Variants in SGCZ observed in about 807,000 individuals in gnomAD.
SGCZ encodes sarcoglycan zeta, also known as zeta-sarcoglycan.
SGCZ carries 40 observed loss-of-function variants against 41.3 expected under a neutral mutation model. The observed-to-expected ratio is 0.97, with a 90% CI of 0.75 to 1.26. The LOEUF is 1.26. Among genes scored for constraint, SGCZ ranks in the 50% most tolerant of loss-of-function variants. The pLI, the probability that SGCZ is intolerant of heterozygous loss-of-function variation, is 0.00. For synonymous variants in SGCZ, 206 were observed against 137.5 expected (o/e 1.50, Z -3.49); for missense variants, 552 against 369.8 (o/e 1.49, Z -4.04).
rs190314670 is a variant in SGCZ at position 14,511,329 on chromosome 8, A to G, written c.234+43403T>C. Among the ~76,000 whole-genome samples, 77 of 152,008 alleles carry G rather than the reference A, an allele frequency of 5.1e-4. No individual in the cohort carries two copies. In the East Asian group the frequency reaches 0.013, roughly 26 times the overall value. ...TCTACTCTATGGCTACGTTTTATGGATTGGGAGATTTTACTTTTAATTATA... is the reference window on the plus strand; with the variant it reads ...TCTACTCTATGGCTACGTTTTATGGGTTGGGAGATTTTACTTTTAATTATA... On this transcript the variant is annotated intron_variant, in intron 2 of 7. Coordinates refer to ENST00000382080, the MANE Select transcript of SGCZ (RefSeq NM_139167.4).
chr8:14,173,320 A>T (rs1042400427), intron 4 of SGCZ, among the ~76,000 whole-genome samples: 2 of 152,116 alleles, frequency 1.3e-5, no homozygotes, highest in Admixed American at 6.6e-5. Context: ...AAAGATATGA[A>T]GTTATTATAA....
intron 4 of SGCZ, among the ~76,000 whole-genome samples, chr8:14,210,481 A>C (rs550067961): frequency 2.1e-3 from 312 of 149,282 alleles, no homozygotes; most frequent in Non-Finnish European, 3.9e-3. Context: ...TTTTTTTTTT[A>C]AACAGAGTTT....
In SGCZ at chr8:14,262,290, G is replaced by A. The variant is rs569503223; in HGVS notation, c.337-24611C>T. Among the ~76,000 whole-genome samples the A allele has an allele frequency of 5.9e-5, 9 of 152,262 alleles. No individual in the cohort carries two copies. The South Asian group carries it at 1.4e-3, about 25-fold the overall frequency. On this transcript the variant is annotated intron_variant, in intron 3 of 7. Transcript: ENST00000382080. ...TGATACACGTTTTAATAGGTAAACT[G>A]TTCTTTGCTTCACAATCATTTCAGT...
chr8:14,868,710 A>T (rs1804027198), intron 1 of SGCZ, among the ~76,000 whole-genome samples: 1 of 152,186 alleles, frequency 6.6e-6, no homozygotes, highest in African/African-American at 2.4e-5. Flanking sequence ...AATCTGCTAT[A>T]TGAACATATC....
At chr8:14,459,527 T>C (rs1234147313) in intron 2 of SGCZ, among the ~76,000 whole-genome samples, 2 of 152,138 alleles carry the variant, frequency 1.3e-5, no homozygotes, top group South Asian at 2.1e-4. Context: ...GATCTATTGA[T>C]AGATGCTAAT....
chr8:14,560,344 AT>A (rs1295158112), intron 1 of SGCZ, among the ~76,000 whole-genome samples: 1 of 151,936 alleles, frequency 6.6e-6, no homozygotes, highest in African/African-American at 2.4e-5. Context: ...ACATATATAT[AT>A]ATGTATAAAT....
chr8:15,122,157 T>C (rs1045546035), intron 1 of SGCZ, among the ~76,000 whole-genome samples: 1 of 150,106 alleles, frequency 6.7e-6, no homozygotes, highest in Non-Finnish European at 1.5e-5. Context: ...ATCATGGACA[T>C]ACTCAACCCC....
chr8:14,130,856 A>C (rs1803019774), intron 5 of SGCZ, among the ~76,000 whole-genome samples: 1 of 152,184 alleles, frequency 6.6e-6, no homozygotes, highest in Non-Finnish European at 1.5e-5. Context: ...TGCAGTAAGC[A>C]AGCAAGCAAC....
chr8:14,745,568 C>G (rs987537823), intron 1 of SGCZ, among the ~76,000 whole-genome samples: 3 of 151,996 alleles, frequency 2.0e-5, no homozygotes, highest in African/African-American at 4.8e-5. Flanking sequence ...GAGTGAGACC[C>G]TGACTCTAAA....
intron 2 of SGCZ, among the ~76,000 whole-genome samples, chr8:14,546,045 T>C (rs1289954343): frequency 6.6e-6 from 1 of 152,148 alleles, no homozygotes; most frequent in Non-Finnish European, 1.5e-5. Flanking sequence ...GCATGAAAGA[T>C]TTCATCTGAG....
At chr8:14,506,365 C>A (rs996906352) in intron 2 of SGCZ, among the ~76,000 whole-genome samples, 13 of 152,092 alleles carry the variant, frequency 8.5e-5, no homozygotes, top group African/African-American at 3.1e-4. Context: ...TCCTCTTAGC[C>A]ACTCAAAGAC....
chr8:14,455,558 G>C (rs73519321), intron 2 of SGCZ, among the ~76,000 whole-genome samples: 10,928 of 151,788 alleles, frequency 0.072, 1,309 homozygotes, highest in African/African-American at 0.25. Context: ...TAGATAGATA[G>C]ATCGATCTCC....
chr8:15,182,128 A>G (rs1224913183), intron 1 of SGCZ, among the ~76,000 whole-genome samples: 1 of 152,154 alleles, frequency 6.6e-6, no homozygotes, highest in African/African-American at 2.4e-5. Flanking sequence ...CTAGCAAAAT[A>G]CATTTTTCAT....
chr8:14,912,049 C>T (rs953351531), intron 1 of SGCZ, among the ~76,000 whole-genome samples: 6 of 149,180 alleles, frequency 4.0e-5, no homozygotes, highest in Non-Finnish European at 7.4e-5. Context: ...GCTATGTAAG[C>T]TATTTGCATC....
chr8:14,537,710 C>T (rs1409057759), intron 2 of SGCZ, among the ~76,000 whole-genome samples: 1 of 151,858 alleles, frequency 6.6e-6, no homozygotes, highest in Non-Finnish European at 1.5e-5. Flanking sequence ...CTTTATCATG[C>T]TCAACTGTGT....
chr8:14,788,654 T>G (rs1800849982), intron 1 of SGCZ, among the ~76,000 whole-genome samples: 1 of 152,180 alleles, frequency 6.6e-6, no homozygotes, highest in Non-Finnish European at 1.5e-5. Flanking sequence ...AGGTATTATT[T>G]TTTAAATAAA....
intron 3 of SGCZ, among the ~76,000 whole-genome samples, chr8:14,249,310 T>C (rs1032479800): frequency 6.6e-6 from 1 of 152,140 alleles, no homozygotes; most frequent in African/African-American, 2.4e-5. Flanking sequence ...GGCCTTCATG[T>C]TTGGTTTAGC....
At chr8:14,148,773 A>T (rs58883113) in intron 5 of SGCZ, among the ~76,000 whole-genome samples, 3,253 of 152,218 alleles carry the variant, frequency 0.021, 145 homozygotes, top group African/African-American at 0.075. Flanking sequence ...ATGAATATTG[A>T]TGCAAAAATC....
intron 1 of SGCZ, among the ~76,000 whole-genome samples, chr8:14,911,153 G>C (rs960074181): frequency 3.9e-5 from 6 of 152,054 alleles, no homozygotes; most frequent in African/African-American, 1.4e-4. Flanking sequence ...CCTTTTAAGA[G>C]AAAACAGAGT....
Sources: allele counts gnomAD v4.1 joint callset (sites outside exome capture counted in the v4.1 genomes callset), GRCh38; gene constraint gnomAD v4.1.1; transcripts MANE v1.5; gene names NCBI Gene and HGNC (gene_info 2026-07-23, HGNC 2026-07-21).